ARID2: variants seen among roughly 807,000 people sequenced by gnomAD.
The protein encoded by ARID2 is AT-rich interactive domain-containing protein 2.
ARID2 carries 32 observed loss-of-function variants against 184.6 expected under a neutral mutation model. The ratio of observed to expected loss-of-function variants is 0.17; its 90% CI spans 0.13 to 0.23. ARID2 has a LOEUF of 0.23. Ranked by LOEUF, ARID2 falls within the 10% of genes least tolerant of loss-of-function variation. The probability of loss-of-function intolerance (pLI) is 1.00; values close to 1 mark genes in which losing one functional copy is unlikely to be tolerated. For synonymous variants in ARID2, 836 were observed against 772.6 expected, an observed-to-expected ratio of 1.08 and a Z score of -1.36; for missense variants, 1,696 against 2,197.6, an observed-to-expected ratio of 0.77 and a Z score of 4.56.
intron 3 of ARID2, among the ~76,000 whole-genome samples, chr12:45,782,218 AAAC>A (rs1210375475): frequency 2.0e-5 from 3 of 152,242 alleles, no homozygotes; most frequent in Non-Finnish European, 4.4e-5. Context: ...ATGTGTCTAG[AAAC>A]AAAGTAGAAA....
At chr12:45,842,351 A>ATG (rs1247589204) in intron 11 of ARID2, 2 of 151,810 alleles carry the variant, frequency 1.3e-5, no homozygotes, top group African/African-American at 4.8e-5. Flanking sequence ...ATATGTATAT[A>ATG]TGTGTATATA....
intron 16 of ARID2, among the ~76,000 whole-genome samples, chr12:45,868,565 C>G (rs1403628792): frequency 6.6e-6 from 1 of 152,106 alleles, no homozygotes; most frequent in Non-Finnish European, 1.5e-5. Context: ...TTAGAAAGAC[C>G]TTTTCAACTT....
At chr12:45,892,188 C>A in intron 18 of ARID2, 92 bp downstream of exon 18, 1 of 1,274,460 alleles carries the variant, frequency 7.8e-7, no homozygotes, top group Non-Finnish European at 1.1e-6. Flanking sequence ...TATTAGGAGA[C>A]CAGAAACCTG....
chr12:45,769,551 G>A (rs1403481101), intron 3 of ARID2, among the ~76,000 whole-genome samples: 2 of 152,154 alleles, frequency 1.3e-5, no homozygotes, highest in Non-Finnish European at 2.9e-5. Flanking sequence ...AATGTGGGAC[G>A]CCATGAAGTG....
At chr12:45,746,834 G>A (rs1480134551) in intron 3 of ARID2, among the ~76,000 whole-genome samples, 1 of 151,914 alleles carries the variant, frequency 6.6e-6, no homozygotes, top group East Asian at 1.9e-4. Context: ...TGGCGCGATC[G>A]AGGCTCACTG....
At chr12:45,740,263 TTTC>T (rs975854149) in intron 3 of ARID2, among the ~76,000 whole-genome samples, 18 of 152,172 alleles carry the variant, frequency 1.2e-4, no homozygotes, top group African/African-American at 4.3e-4. Context: ...AATCCATTAT[TTTC>T]TTCTTTTTTT....
chr12:45,804,479 C>CGTGTGTGTGCGTGTGTGT (rs1357344810), intron 3 of ARID2, among the ~76,000 whole-genome samples: 4 of 149,400 alleles, frequency 2.7e-5, no homozygotes, highest in Non-Finnish European at 4.5e-5. Context: ...CTAGTGTGTG[C>CGTGTGTGTGCGTGTGTGT]GTGTGTGTGC....
intron 16 of ARID2, among the ~76,000 whole-genome samples, chr12:45,891,150 C>T (rs377048313): frequency 2.8e-4 from 41 of 145,294 alleles, no homozygotes; most frequent in East Asian, 2.0e-3. Flanking sequence ...GGCGACAGAG[C>T]GAGACTCCGT....
At chr12:45,879,370 C>G (rs760418117) in intron 16 of ARID2, among the ~76,000 whole-genome samples, 7 of 152,186 alleles carry the variant, frequency 4.6e-5, no homozygotes, top group Non-Finnish European at 7.4e-5. Flanking sequence ...CCCTTCCATT[C>G]CTGGAAGCAG....
At chr12:45,871,651 T>C (rs1255153780) in intron 16 of ARID2, among the ~76,000 whole-genome samples, 1 of 152,192 alleles carries the variant, frequency 6.6e-6, no homozygotes, top group Non-Finnish European at 1.5e-5. Context: ...TCTGCTTCTA[T>C]TGTCTGGTAG....
At chr12:45,790,079 T>C (rs1028824124) in intron 3 of ARID2, among the ~76,000 whole-genome samples, 7 of 152,230 alleles carry the variant, frequency 4.6e-5, no homozygotes, top group Non-Finnish European at 1.0e-4. Flanking sequence ...TCTATACTTA[T>C]AACTTAGATG....
At chr12:45,878,039 A>G (rs1009690460) in intron 16 of ARID2, among the ~76,000 whole-genome samples, 1 of 152,200 alleles carries the variant, frequency 6.6e-6, no homozygotes, top group Non-Finnish European at 1.5e-5. Flanking sequence ...CAGTTTAAAT[A>G]TCTCATTCCA....
rs192239250 is a variant in ARID2 at position 45,823,748 on chromosome 12, G to A, written c.705+2261G>A. Among the ~76,000 whole-genome samples, 7 of 152,112 alleles carry A rather than the reference G, an allele frequency of 4.6e-5. No individual in the cohort carries two copies. In the East Asian group the frequency reaches 1.4e-3, roughly 29 times the overall value. ...ATCAAGATTGAACCAGGAAGTAATG[G>A]CCTCACCAGACCAATAAAGAGTAAC... is the stretch of plus-strand genomic sequence containing the variant. On this transcript the variant is annotated intron_variant, in intron 6 of 20. Coordinates refer to ENST00000334344, the MANE Select transcript of ARID2 (RefSeq NM_152641.4).
chr12:45,905,209 G>A lies in ARID2; in HGVS notation c.*131G>A. ...TTATTTTATCTCCTCCCATGATGCTGAGAGGAAGCTTCGTATTCTGATCTC... is the reference window on the plus strand; with the variant it reads ...TTATTTTATCTCCTCCCATGATGCTAAGAGGAAGCTTCGTATTCTGATCTC... On this transcript the variant is annotated 3_prime_UTR_variant, in exon 21 of 21. Transcript: ENST00000334344. 1 of 897,868 alleles carries A rather than the reference G, an allele frequency of 1.1e-6. No individual in the cohort carries two copies. The highest frequency in any genetic ancestry group is 1.6e-6 in the Non-Finnish European group (1 of 634,072). 55.6% of individuals were successfully genotyped at this position (897,868 alleles called of 1,614,324 possible).
rs1188933919 is a variant in ARID2 at position 45,860,365 on chromosome 12, T to TGGTAAAACAATAAAAACAATA, written c.4774-436_4774-435insGGTAAAACAATAAAAACAATA. On this transcript the variant is annotated intron_variant, in intron 15 of 20. Coordinates refer to ENST00000334344, the MANE Select transcript of ARID2 (RefSeq NM_152641.4). The stretch of plus-strand genomic sequence containing the variant: ...AAAATTTTCATTGCTTTTTACCATA[T>TGGTAAAACAATAAAAACAATA]TGTTTCACATTATATTCTTTAGAAA... 2.6e-5 allele frequency among the ~76,000 whole-genome samples: 4 copies of TGGTAAAACAATAAAAACAATA among 152,362 alleles called. No individual in the cohort carries two copies. In the East Asian group the frequency reaches 7.7e-4, roughly 29 times the overall value.
At chr12:45,772,785 G>A (rs1168171696) in intron 3 of ARID2, among the ~76,000 whole-genome samples, 10 of 152,114 alleles carry the variant, frequency 6.6e-5, no homozygotes, top group Admixed American at 6.5e-4. Flanking sequence ...GGAGAAAGAG[G>A]CAATTTAAAA....
In ARID2 at chr12:45,782,733, C is replaced by T. The variant is rs112565736; in HGVS notation, c.285-28685C>T. Among the ~76,000 whole-genome samples the T allele has an allele frequency of 1.1e-3, 163 of 151,974 alleles. 1 individual carries two copies. Among genetic ancestry groups the T allele is most frequent in the African/African-American group, 3.8e-3 (156 of 41,446 alleles). On this transcript the variant is annotated intron_variant, in intron 3 of 20. Transcript: ENST00000334344. ...GGACTTGAACTAAAGTCCTTTTTGT[C>T]AACAGTGTCTGTAGGCTGACCTGTT...
At chr12:45,796,005 C>T (rs1030627695) in intron 3 of ARID2, among the ~76,000 whole-genome samples, 1 of 152,000 alleles carries the variant, frequency 6.6e-6, no homozygotes, top group African/African-American at 2.4e-5. Flanking sequence ...CTACTGTACT[C>T]GTTTTAGATA....
At chr12:45,782,179 T>C (rs916568138) in intron 3 of ARID2, among the ~76,000 whole-genome samples, 1 of 152,110 alleles carries the variant, frequency 6.6e-6, no homozygotes, top group Admixed American at 6.5e-5. Context: ...TGCTACAAAA[T>C]TTTATAAAAA....
Sources: gnomAD v4.1 joint callset for allele counts (sites outside exome capture counted in the v4.1 genomes callset) on GRCh38, gnomAD v4.1.1 for gene constraint, MANE v1.5 for transcripts, NCBI Gene and HGNC (gene_info 2026-07-23, HGNC 2026-07-21) for gene names.